XPR1: variants seen among roughly 807,000 people sequenced by gnomAD.
XPR1 encodes the protein xenotropic and polytropic retrovirus receptor 1.
Under a neutral mutation model 87.5 loss-of-function variants are expected in XPR1, and 28 were observed. That is an observed-to-expected ratio of 0.32 (90% CI 0.24 to 0.44). The LOEUF (loss-of-function observed/expected upper bound fraction) is 0.44. Among genes scored for constraint, XPR1 ranks in the 20% least tolerant of loss-of-function variants. The probability of loss-of-function intolerance (pLI) is 1.00; values close to 1 mark genes in which losing one functional copy is unlikely to be tolerated. For missense variants in XPR1, 559 were observed against 862.3 expected, an observed-to-expected ratio of 0.65 and a Z score of 4.41; for synonymous variants, 300 against 306.1, an observed-to-expected ratio of 0.98 and a Z score of 0.21.
chr1:180,822,661 A>G (rs76256911), intron 7 of XPR1, among the ~76,000 whole-genome samples: 3,100 of 152,310 alleles, frequency 0.02, 107 homozygotes, highest in African/African-American at 0.071. Context: ...TATATACTGA[A>G]TACTCATAAT....
intron 3 of XPR1, among the ~76,000 whole-genome samples, chr1:180,788,939 C>T (rs998716721): frequency 5.3e-5 from 8 of 152,088 alleles, no homozygotes; most frequent in African/African-American, 1.9e-4. Flanking sequence ...AAGCATCTTA[C>T]TCAGATATCC....
chr1:180,747,739 A>G (rs1647319928), intron 2 of XPR1, among the ~76,000 whole-genome samples: 1 of 152,222 alleles, frequency 6.6e-6, no homozygotes, highest in Non-Finnish European at 1.5e-5. Context: ...GAACATATGT[A>G]CAAAGAAAAA....
chr1:180,810,426 C>A (rs1278917468), intron 6 of XPR1, among the ~76,000 whole-genome samples: 1 of 151,898 alleles, frequency 6.6e-6, no homozygotes, highest in Non-Finnish European at 1.5e-5. Context: ...ACAAAAAATA[C>A]AAAACTTAGC....
At chr1:180,858,341 A>G (rs1423153474) in intron 11 of XPR1, among the ~76,000 whole-genome samples, 1 of 152,240 alleles carries the variant, frequency 6.6e-6, no homozygotes, top group Non-Finnish European at 1.5e-5. Context: ...CTCATCTGAG[A>G]TAACCACTTC....
At chr1:180,774,618 A>T (rs914074582) in intron 2 of XPR1, among the ~76,000 whole-genome samples, 1 of 151,892 alleles carries the variant, frequency 6.6e-6, no homozygotes, top group African/African-American at 2.4e-5. Context: ...CGTGTTAGCC[A>T]GGGTAGTCTC....
At chr1:180,756,638 T>G (rs970391877) in intron 2 of XPR1, among the ~76,000 whole-genome samples, 1 of 152,212 alleles carries the variant, frequency 6.6e-6, no homozygotes, top group Non-Finnish European at 1.5e-5. Context: ...TAAAGTCTAA[T>G]TTATCTCATT....
chr1:180,796,626 GATA>G (rs772598489), intron 3 of XPR1, among the ~76,000 whole-genome samples: 9 of 152,164 alleles, frequency 5.9e-5, no homozygotes, highest in South Asian at 2.1e-4. Context: ...ATGGTACAAA[GATA>G]ATGATGATAG....
At chr1:180,679,896 A>G (rs1456988213) in intron 1 of XPR1, among the ~76,000 whole-genome samples, 1 of 152,190 alleles carries the variant, frequency 6.6e-6, no homozygotes, top group Non-Finnish European at 1.5e-5. Flanking sequence ...AAATGGGTTT[A>G]TGTCAAACTA....
intron 3 of XPR1, among the ~76,000 whole-genome samples, chr1:180,796,698 A>T (rs1422100846): frequency 6.6e-6 from 1 of 152,212 alleles, no homozygotes; most frequent in Non-Finnish European, 1.5e-5. Flanking sequence ...AGTTTAAAAA[A>T]CTAGAAACAA....
chr1:180,806,744 C>T (rs1165985552), intron 6 of XPR1, among the ~76,000 whole-genome samples, 187 bp downstream of exon 6: 1 of 152,072 alleles, frequency 6.6e-6, no homozygotes, highest in East Asian at 1.9e-4. Flanking sequence ...ATGTCTTCCA[C>T]CTTTCTCTTC....
chr1:180,729,430 G>A (rs1658478443), intron 2 of XPR1, among the ~76,000 whole-genome samples: 1 of 152,194 alleles, frequency 6.6e-6, no homozygotes, highest in Non-Finnish European at 1.5e-5. Flanking sequence ...GGGAATGATA[G>A]TTCTGGGTCA....
At chr1:180,632,648 C>T (rs371254395) in intron 1 of XPR1, among the ~76,000 whole-genome samples, 1 of 152,250 alleles carries the variant, frequency 6.6e-6, no homozygotes, top group African/African-American at 2.4e-5. Flanking sequence ...TCGCCCTGAC[C>T]TCTCGTCCCC....
chr1:180,732,759 A>G (rs2102013006), intron 2 of XPR1, among the ~76,000 whole-genome samples: 2 of 152,332 alleles, frequency 1.3e-5, no homozygotes, highest in East Asian at 3.9e-4. Context: ...TTGTGTTACC[A>G]GCTCAATTAG....
chr1:180,713,670 C>T lies in XPR1; in HGVS notation c.121+31259C>T, dbSNP rs141230215. Among the ~76,000 whole-genome samples the T allele has an allele frequency of 2.9e-3, 447 of 152,044 alleles. 3 individuals are homozygous for T. The highest frequency in any genetic ancestry group is 9.6e-3 in the African/African-American group (399 of 41,442). ...TTTCTCTTTTAGTTTGTTAATGTGG[C>T]GAATTACATTGATTTTCACATGTTA... On this transcript the variant is annotated intron_variant, in intron 2 of 14. Transcript: ENST00000367590.
chr1:180,750,738 A>G (rs1049641589), intron 2 of XPR1, among the ~76,000 whole-genome samples: 2 of 152,016 alleles, frequency 1.3e-5, no homozygotes, highest in Non-Finnish European at 2.9e-5. Flanking sequence ...TTAAATTTCC[A>G]TATAAATTTT....
chr1:180,736,714 C>G (rs1232874224), intron 2 of XPR1, among the ~76,000 whole-genome samples: 2 of 152,122 alleles, frequency 1.3e-5, no homozygotes, highest in African/African-American at 2.4e-5. Context: ...ATGAAGAACA[C>G]ATAAACACTT....
intron 1 of XPR1, among the ~76,000 whole-genome samples, chr1:180,675,040 G>A (rs922687731): frequency 3.9e-5 from 6 of 152,238 alleles, no homozygotes; most frequent in South Asian, 2.1e-4. Context: ...TAAGTACTAG[G>A]AGTTTGTTCT....
At chr1:180,646,962 G>C (rs1655140208) in intron 1 of XPR1, among the ~76,000 whole-genome samples, 1 of 152,316 alleles carries the variant, frequency 6.6e-6, no homozygotes, top group East Asian at 1.9e-4. Flanking sequence ...ATAAGAGTTT[G>C]TAAGCAATTG....
At position 180,756,338 on chromosome 1, in the gene XPR1, A is replaced by T. The variant is rs988215158; in HGVS notation, c.122-31415A>T. On this transcript the variant is annotated intron_variant, in intron 2 of 14. Transcript: ENST00000367590. ...TTTAAAATTATAGCCATCCTGGAGG[A>T]TATGACGTGATATCTCATTGCAGTT... Among the ~76,000 whole-genome samples the T allele has an allele frequency of 2.0e-5, 3 of 152,336 alleles. No homozygotes were observed. The South Asian group carries it at 6.2e-4, about 32-fold the overall frequency.
Sources: allele counts gnomAD v4.1 joint callset (sites outside exome capture counted in the v4.1 genomes callset), GRCh38; gene constraint gnomAD v4.1.1; transcripts MANE v1.5; gene names NCBI Gene and HGNC (gene_info 2026-07-23, HGNC 2026-07-21).